DGKK: variants seen among roughly 807,000 people sequenced by gnomAD.
The protein encoded by DGKK is diacylglycerol kinase kappa, also known as 142 kDa diacylglycerol kinase.
Under a neutral mutation model 92.2 loss-of-function variants are expected in DGKK, and 35 were observed. The ratio of observed to expected loss-of-function variants is 0.38; its 90% CI spans 0.29 to 0.50. The LOEUF is 0.50. DGKK is among the 20% of genes least tolerant of loss of function. The pLI is 0.92. For missense variants in DGKK, 910 were observed against 992.2 expected (o/e 0.92, Z 1.11); for synonymous variants, 368 against 360.6 (o/e 1.02, Z -0.23).
chrX:50,462,983 A>C (rs782551935), intron 1 of DGKK, among the ~76,000 whole-genome samples: 1 of 81,726 alleles, frequency 1.2e-5, no homozygotes, highest in Non-Finnish European at 2.3e-5. Flanking sequence ...GTACATACCC[A>C]CCACCCCCCC....
chrX:50,382,709 C>T, intron 17 of DGKK, 106 bp from the exon 18 acceptor site: 1 of 558,435 alleles, frequency 1.8e-6, no homozygotes, highest in Non-Finnish European at 2.9e-6. Flanking sequence ...TGAGGGAAGG[C>T]CCCCTCCACA....
rs369334895 is a variant in DGKK, at chrX:50,470,161, A to C, written c.518T>G (p.Phe173Cys). The C allele has an allele frequency of 8.3e-7, 1 of 1,210,705 alleles. No individual in the cohort carries two copies. The highest frequency in any genetic ancestry group is 1.7e-5 in the African/African-American group (1 of 57,440). The part of the protein sequence containing the change: ...PEFCPEAAPE[F>C]RPSPAPCLLQ... The stretch of plus-strand genomic sequence containing the variant: ...TAGACATGGTGCTGGACTTGGACGG[A>C]ACTCTGGAGCCGCCTCAGGGCAGAA... Residue 173 changes from phenylalanine (F) to cysteine (C), a missense_variant, in exon 1 of 28, where the codon TTC becomes TGC. Physicochemically the swap from Phe to Cys is radical, Grantham distance 205. Coordinates refer to ENST00000611977, the MANE Select transcript of DGKK (RefSeq NM_001013742.4).
At chrX:50,409,444 T>C (rs1602283178) in intron 4 of DGKK, among the ~76,000 whole-genome samples, 1 of 111,983 alleles carries the variant, frequency 8.9e-6, no homozygotes, top group African/African-American at 3.2e-5. Flanking sequence ...AGCCACAAAA[T>C]TTGCAGTAAT....
At chrX:50,421,620 G>A (rs1371269307) in intron 3 of DGKK, among the ~76,000 whole-genome samples, 1 of 111,877 alleles carries the variant, frequency 8.9e-6, no homozygotes, top group Non-Finnish European at 1.9e-5. Flanking sequence ...TTTGGGACTG[G>A]TCAACAGAGC....
intron 7 of DGKK, 80 bp downstream of exon 7, chrX:50,402,981 T>C: frequency 9.0e-7 from 1 of 1,114,805 alleles, no homozygotes. Flanking sequence ...TTTCTATCTA[T>C]GTGTATACAT....
intron 1 of DGKK, among the ~76,000 whole-genome samples, chrX:50,428,477 G>A (rs782642210): frequency 1.8e-5 from 2 of 111,659 alleles, no homozygotes; most frequent in Non-Finnish European, 3.8e-5. Flanking sequence ...AAATTGTTTA[G>A]TGAGATAAAC....
At chrX:50,380,109 G>C (rs1924380023) in intron 18 of DGKK, 32 bp from the exon 19 acceptor site, 1 of 1,078,165 alleles carries the variant, frequency 9.3e-7, no homozygotes, top group African/African-American at 1.8e-5. Context: ...GAAAGCAGAG[G>C]GTGAATGATA....
At chrX:50,464,064 A>G in intron 1 of DGKK, among the ~76,000 whole-genome samples, 1 of 110,159 alleles carries the variant, frequency 9.1e-6, no homozygotes, top group Non-Finnish European at 1.9e-5. Flanking sequence ...AATAAAAAGA[A>G]TAAAGTTTTT....
chrX:50,436,759 A>G (rs1926038349), intron 1 of DGKK, among the ~76,000 whole-genome samples: 1 of 110,228 alleles, frequency 9.1e-6, no homozygotes, highest in Non-Finnish European at 1.9e-5. Flanking sequence ...ACCGTGACTC[A>G]AAAAAGTGAC....
chrX:50,447,370 T>A lies in DGKK; in HGVS notation c.645+22664A>T, dbSNP rs79418765. ...ATATATATATATAATATATATATAT[T>A]ATATATATATATAATATATATATAT... On this transcript the variant is annotated intron_variant, in intron 1 of 27. Coordinates refer to ENST00000611977, the MANE Select transcript of DGKK (RefSeq NM_001013742.4). 4.2e-3 allele frequency among the ~76,000 whole-genome samples: 36 copies of A among 8,509 alleles called. 1 individual carries two copies. Among genetic ancestry groups the A allele is most frequent in the Middle Eastern group, 0.05 (1 of 20 alleles). The allele number at this position is 8,509 out of a possible 115,157, so 7.4% of individuals were successfully genotyped here.
chrX:50,374,150 C>T (rs985577891), intron 25 of DGKK, among the ~76,000 whole-genome samples: 7 of 111,715 alleles, frequency 6.3e-5, no homozygotes, highest in African/African-American at 2.0e-4. Context: ...TGACCTTATT[C>T]GGAAATAGGG....
intron 8 of DGKK, among the ~76,000 whole-genome samples, chrX:50,394,410 A>G (rs1485657495): frequency 3.6e-5 from 4 of 111,686 alleles, no homozygotes; most frequent in Non-Finnish European, 7.5e-5. Context: ...AAGGCATCCT[A>G]AGCCAGCTAG....
intron 1 of DGKK, among the ~76,000 whole-genome samples, chrX:50,427,577 T>TTAA (rs75113899): frequency 0.023 from 2,259 of 97,989 alleles, 44 homozygotes; most frequent in East Asian, 0.028. Flanking sequence ...ATGCAAGACG[T>TTAA]TAATAATAAT....
At chrX:50,441,464 C>T (rs782351466) in intron 1 of DGKK, among the ~76,000 whole-genome samples, 1 of 111,412 alleles carries the variant, frequency 9.0e-6, no homozygotes, top group Non-Finnish European at 1.9e-5. Context: ...AAGAGAGAAG[C>T]AGTAGTTAAA....
At chrX:50,391,755 A>G (rs1196012160) in intron 10 of DGKK, among the ~76,000 whole-genome samples, 179 bp from the exon 11 acceptor site, 2 of 112,311 alleles carry the variant, frequency 1.8e-5, no homozygotes, top group East Asian at 5.6e-4. Flanking sequence ...AATTTTCCCT[A>G]AGGAGTTGGA....
In DGKK at chrX:50,470,341, G is replaced by T; in HGVS notation, c.338C>A (p.Pro113Gln). The T allele has an allele frequency of 1.7e-6, 2 of 1,208,041 alleles. No individual in the cohort carries two copies. Among genetic ancestry groups the T allele is most frequent in the Non-Finnish European group, 2.2e-6 (2 of 894,230 alleles). ...PEPATEPAPE[P>Q]APEPATESAP... ...AGACTCTGTGGCAGGTTCTGGGGCC[G>T]GTTCTGGGGCCGGCTCTGTGGCAGG... is the stretch of plus-strand genomic sequence containing the variant. Residue 113 changes from proline to glutamine, a missense_variant, in exon 1 of 28, where the codon CCG (proline) becomes CAG (glutamine). Physicochemically the swap from Pro to Gln is moderately conservative, Grantham distance 76. Coordinates refer to ENST00000611977, the MANE Select transcript of DGKK (RefSeq NM_001013742.4).
intron 4 of DGKK, among the ~76,000 whole-genome samples, chrX:50,409,134 A>G (rs1387869317): frequency 9.0e-6 from 1 of 111,450 alleles, no homozygotes; most frequent in Non-Finnish European, 1.9e-5. Context: ...AATGACTGCT[A>G]TCTTTATAAA....
intron 10 of DGKK, 76 bp downstream of exon 10, chrX:50,392,265 G>T: frequency 1.3e-6 from 1 of 764,068 alleles, no homozygotes; most frequent in Non-Finnish European, 2.0e-6. Flanking sequence ...GCGAAGACTT[G>T]GGACTTCTTG....
intron 4 of DGKK, among the ~76,000 whole-genome samples, chrX:50,404,403 G>C (rs1428076442): frequency 2.6e-4 from 29 of 109,793 alleles, no homozygotes; most frequent in African/African-American, 9.3e-4. Flanking sequence ...AAATAATAGA[G>C]GGGCAGACCC....
Sources: gnomAD v4.1 joint callset for allele counts (sites outside exome capture counted in the v4.1 genomes callset) on GRCh38, gnomAD v4.1.1 for gene constraint, MANE v1.5 for transcripts, NCBI Gene and HGNC (gene_info 2026-07-23, HGNC 2026-07-21) for gene names.